The following GUCY1A2 variants were observed in gnomAD, a reference collection of about 807,000 sequenced individuals.
The protein encoded by GUCY1A2 is guanylate cyclase soluble subunit alpha-2.
A neutral mutation model predicts 63.5 loss-of-function variants in GUCY1A2; 27 were observed. The observed-to-expected ratio is 0.43, with a 90% confidence interval of 0.31 to 0.59. The LOEUF (loss-of-function observed/expected upper bound fraction) is 0.59. GUCY1A2 is among the 20% of genes least tolerant of loss of function. GUCY1A2 has a pLI of 0.11. For synonymous variants in GUCY1A2, 364 were observed against 343.5 expected (o/e 1.06, Z -0.66); for missense variants, 768 against 913.3 (o/e 0.84, Z 2.05).
chr11:106,763,050 G>A (rs943275076), intron 6 of GUCY1A2, among the ~76,000 whole-genome samples: 1 of 151,916 alleles, frequency 6.6e-6, no homozygotes, highest in African/African-American at 2.4e-5. Flanking sequence ...TTTAAAGAAG[G>A]AAAGAAAAAT....
chr11:106,691,491 G>A (rs933848149), intron 7 of GUCY1A2, among the ~76,000 whole-genome samples: 1 of 152,118 alleles, frequency 6.6e-6, no homozygotes, highest in Non-Finnish European at 1.5e-5. Flanking sequence ...TTTACAGTTT[G>A]TCTCACCAAG....
At chr11:106,858,065 C>A (rs967848884) in intron 4 of GUCY1A2, among the ~76,000 whole-genome samples, 2 of 152,132 alleles carry the variant, frequency 1.3e-5, no homozygotes, top group South Asian at 2.1e-4. Context: ...AGGCAATGTG[C>A]CCCAAATGTA....
intron 1 of GUCY1A2, among the ~76,000 whole-genome samples, chr11:107,012,397 AAATT>A (rs767885305): frequency 1.9e-4 from 29 of 152,190 alleles, no homozygotes; most frequent in Non-Finnish European, 4.4e-5. Context: ...AATTCAGTTA[AAATT>A]AATAGATCTC....
chr11:106,795,182 A>G (rs1227411045), intron 5 of GUCY1A2, among the ~76,000 whole-genome samples: 1 of 152,168 alleles, frequency 6.6e-6, no homozygotes, highest in East Asian at 1.9e-4. Context: ...GATATAATTA[A>G]AATCAGGTTT....
Position 106,775,043 on chromosome 11 carries a change from C to T in GUCY1A2, c.1836+1396G>A, listed in dbSNP as rs547494347. Reference sequence around the variant, plus strand: ...GTTTTTTCACATCTATAATTTCCCCCGGTTCTTCCCCATAGTACTTTGTTT... The same window carrying T: ...GTTTTTTCACATCTATAATTTCCCCTGGTTCTTCCCCATAGTACTTTGTTT... On this transcript the variant is annotated intron_variant, in intron 6 of 7. Transcript: ENST00000526355. Among the ~76,000 whole-genome samples, 7 of 152,194 alleles carry T rather than the reference C, an allele frequency of 4.6e-5. No individual in the cohort carries two copies. The South Asian group carries it at 6.2e-4, about 14-fold the overall frequency.
chr11:106,681,443 C>T lies in GUCY1A2; in HGVS notation c.*6106G>A, dbSNP rs1862431030. On this transcript the variant is annotated 3_prime_UTR_variant, in exon 8 of 8. Coordinates refer to ENST00000526355, the MANE Select transcript of GUCY1A2 (RefSeq NM_000855.3). ...ACTTCTTCCTTACTATTATATACTA[C>T]AAAGATCCAAAAATTGGGCAACATT... is the stretch of plus-strand genomic sequence containing the variant. 4.5e-6 allele frequency: 1 copy of T among 222,862 alleles called. No individual in the cohort carries two copies. The highest frequency in any genetic ancestry group is 9.0e-6 in the Non-Finnish European group (1 of 111,540). 13.8% of individuals were successfully genotyped at this position (222,862 alleles called of 1,614,324 possible).
intron 6 of GUCY1A2, among the ~76,000 whole-genome samples, chr11:106,765,861 T>C (rs892381646): frequency 6.6e-6 from 1 of 152,174 alleles, no homozygotes; most frequent in Non-Finnish European, 1.5e-5. Context: ...TTATGATTGA[T>C]TGGTTTAACC....
chr11:106,978,805 T>C (rs1037125583), intron 2 of GUCY1A2, 65 bp from the exon 3 acceptor site: 1 of 1,086,386 alleles, frequency 9.2e-7, no homozygotes, highest in Non-Finnish European at 1.4e-6. Context: ...GCAACTCATA[T>C]ACACACGCAC....
chr11:106,807,642 A>G (rs890690856), intron 5 of GUCY1A2, among the ~76,000 whole-genome samples: 6 of 152,178 alleles, frequency 3.9e-5, no homozygotes, highest in South Asian at 2.1e-4. Flanking sequence ...GAAGGATAAA[A>G]AATATTGTTC....
rs560158890 is a variant in GUCY1A2, at chr11:106,865,318, T to C, written c.1207-54840A>G. On this transcript the variant is annotated intron_variant, in intron 4 of 7. Transcript: ENST00000526355. The stretch of plus-strand genomic sequence containing the variant: ...ATTAGTCTGACTAGCAGTCTGTTAA[T>C]CTTTTCAAAAAACCAGATCCTGGAT... 2.0e-5 allele frequency among the ~76,000 whole-genome samples: 3 copies of C among 152,178 alleles called. No homozygotes were observed. In the East Asian group the frequency reaches 5.8e-4, roughly 29 times the overall value.
intron 4 of GUCY1A2, among the ~76,000 whole-genome samples, chr11:106,825,355 G>C (rs1300818442): frequency 1.3e-5 from 2 of 151,364 alleles, no homozygotes; most frequent in Non-Finnish European, 2.9e-5. Flanking sequence ...ATGTAGATCA[G>C]GGATGTCCAA....
At chr11:106,898,499 T>C (rs1860082019) in intron 4 of GUCY1A2, among the ~76,000 whole-genome samples, 2 of 152,144 alleles carry the variant, frequency 1.3e-5, no homozygotes, top group South Asian at 2.1e-4. Context: ...CAATGAAATT[T>C]TATTCAGTGC....
chr11:106,742,091 A>G (rs1356566748), intron 6 of GUCY1A2, among the ~76,000 whole-genome samples: 2 of 152,216 alleles, frequency 1.3e-5, no homozygotes, highest in Admixed American at 6.5e-5. Context: ...ATGCCATTTT[A>G]TTCACAGTTC....
At chr11:106,753,217 T>C (rs1863914293) in intron 6 of GUCY1A2, among the ~76,000 whole-genome samples, 1 of 152,214 alleles carries the variant, frequency 6.6e-6, no homozygotes, top group South Asian at 2.1e-4. Context: ...TGGGGTTGTT[T>C]GTATTTTTCT....
intron 3 of GUCY1A2, among the ~76,000 whole-genome samples, chr11:106,943,508 C>T (rs1156339274): frequency 2.0e-5 from 3 of 152,172 alleles, no homozygotes; most frequent in African/African-American, 7.2e-5. Flanking sequence ...AAATGAAATA[C>T]GATCTGTTCC....
intron 6 of GUCY1A2, among the ~76,000 whole-genome samples, chr11:106,716,810 C>G (rs1863224791): frequency 6.9e-6 from 1 of 145,718 alleles, no homozygotes; most frequent in Non-Finnish European, 1.5e-5. Flanking sequence ...GAGTAAATCT[C>G]AGGAATTATA....
At position 106,819,434 on chromosome 11, in the gene GUCY1A2, C is replaced by T. The variant is rs537339582; in HGVS notation, c.1207-8956G>A. Among the ~76,000 whole-genome samples, 22 of 152,228 alleles carry T rather than the reference C, an allele frequency of 1.4e-4. 1 individual carries two copies. In the South Asian group the frequency reaches 2.3e-3, roughly 16 times the overall value. On this transcript the variant is annotated intron_variant, in intron 4 of 7. Transcript: ENST00000526355. ...TCGATGCAGCAAACTTCATTGCTGT[C>T]TTACTTTAAGAAATTGTTAGAGCCA...
In GUCY1A2 at chr11:106,687,907, A is replaced by C. The variant is rs570734721; in HGVS notation, c.1992-151T>G. ...TAGATGTGGCCTTCATCAGATTCCA[A>C]ATGCTAGGAAATGTTATAACTCAGA... On this transcript the variant is annotated intron_variant, in intron 7 of 7. Transcript: ENST00000526355. The C allele has an allele frequency of 2.2e-5, 13 of 601,868 alleles. No homozygotes were observed. The Admixed American group carries it at 3.5e-4, about 16-fold the overall frequency. 37.3% of individuals were successfully genotyped at this position (601,868 alleles called of 1,614,324 possible). A position where few individuals can be genotyped will look rare whatever the true frequency, so the allele number is the denominator to read the frequency against.
intron 6 of GUCY1A2, among the ~76,000 whole-genome samples, chr11:106,759,290 T>C (rs1202244503): frequency 6.6e-6 from 1 of 152,162 alleles, no homozygotes; most frequent in South Asian, 2.1e-4. Flanking sequence ...TTTATTACCA[T>C]GATTATGTAA....
Sources: allele counts gnomAD v4.1 joint callset (sites outside exome capture counted in the v4.1 genomes callset), GRCh38; gene constraint gnomAD v4.1.1; transcripts MANE v1.5; gene names NCBI Gene and HGNC (gene_info 2026-07-23, HGNC 2026-07-21).